The following ERBB4 variants were observed in gnomAD, a reference collection of about 807,000 sequenced individuals.
ERBB4 encodes erb-b2 receptor tyrosine kinase 4.
ERBB4 carries 42 observed loss-of-function variants against 158.0 expected under a neutral mutation model. The ratio of observed to expected loss-of-function variants is 0.27; its 90% CI spans 0.21 to 0.34. ERBB4 has a LOEUF of 0.34. ERBB4 is among the 10% of genes least tolerant of loss of function. ERBB4 has a pLI of 1.00. For missense variants in ERBB4, 1,333 were observed against 1,624.1 expected (o/e 0.82, Z 3.08); for synonymous variants, 583 against 558.7 (o/e 1.04, Z -0.61).
chr2:212,126,901 G>A (rs778175229), intron 1 of ERBB4, among the ~76,000 whole-genome samples: 21 of 152,044 alleles, frequency 1.4e-4, no homozygotes, highest in Admixed American at 8.5e-4. Context: ...TGAACACATC[G>A]AAAATAACAA....
intron 20 of ERBB4, among the ~76,000 whole-genome samples, chr2:211,481,764 A>T (rs1027813258): frequency 2.0e-5 from 3 of 152,110 alleles, no homozygotes; most frequent in African/African-American, 7.2e-5. Flanking sequence ...TTTGTCCTGG[A>T]AAATTGAAAC....
chr2:211,934,171 C>T (rs1048490492), intron 3 of ERBB4, among the ~76,000 whole-genome samples: 8 of 151,830 alleles, frequency 5.3e-5, no homozygotes, highest in African/African-American at 1.9e-4. Context: ...TTTTATAAAA[C>T]TCTGCTGTAA....
intron 1 of ERBB4, among the ~76,000 whole-genome samples, chr2:212,320,227 C>CTT (rs35543088): frequency 0.01 from 1,255 of 124,048 alleles, 68 homozygotes; most frequent in Non-Finnish European, 0.017. Context: ...CGCAGTCATA[C>CTT]TTTTATTTTT....
At chr2:212,396,352 A>G (rs953265284) in intron 1 of ERBB4, among the ~76,000 whole-genome samples, 1 of 152,270 alleles carries the variant, frequency 6.6e-6, no homozygotes, top group East Asian at 1.9e-4. Flanking sequence ...TTAAGAAGCC[A>G]TATAGTTCAG....
chr2:212,275,353 C>T (rs578197547), intron 1 of ERBB4, among the ~76,000 whole-genome samples: 3 of 151,928 alleles, frequency 2.0e-5, no homozygotes, highest in Non-Finnish European at 4.4e-5. Context: ...GCCACACTGT[C>T]TCCCACAATG....
chr2:212,159,065 G>T (rs560068491), intron 1 of ERBB4, among the ~76,000 whole-genome samples: 4 of 151,912 alleles, frequency 2.6e-5, no homozygotes, highest in Non-Finnish European at 5.9e-5. Flanking sequence ...CAGGTAAGAA[G>T]AATGCACCTT....
In ERBB4 at chr2:212,280,265, A is replaced by T. The variant is rs1212191275; in HGVS notation, c.83-155362T>A. On this transcript the variant is annotated intron_variant, in intron 1 of 27. Transcript: ENST00000342788. ...TTTTGCTAGTAGAACATATTCATTA[A>T]TTTTTTCCTGTAGCAACCAACATAT... Among the ~76,000 whole-genome samples the T allele has an allele frequency of 2.0e-5, 3 of 151,504 alleles. No individual in the cohort carries two copies. The Admixed American group carries it at 2.0e-4, about 10-fold the overall frequency.
At chr2:211,832,428 C>G (rs1248865687) in intron 3 of ERBB4, among the ~76,000 whole-genome samples, 1 of 151,944 alleles carries the variant, frequency 6.6e-6, no homozygotes, top group Non-Finnish European at 1.5e-5. Flanking sequence ...TAAAATGATT[C>G]TATTTATGTA....
At chr2:212,094,075 G>A (rs960183486) in intron 2 of ERBB4, among the ~76,000 whole-genome samples, 1 of 151,832 alleles carries the variant, frequency 6.6e-6, no homozygotes, top group African/African-American at 2.4e-5. Context: ...AATATGGTTT[G>A]GATGTTCTAT....
At chr2:211,425,135 A>T (rs2063598985) in intron 22 of ERBB4, among the ~76,000 whole-genome samples, 1 of 152,070 alleles carries the variant, frequency 6.6e-6, no homozygotes, top group Admixed American at 6.6e-5. Context: ...TTTCTTAGGG[A>T]TAAAGATTTT....
At chr2:211,928,390 G>A (rs1016510329) in intron 3 of ERBB4, among the ~76,000 whole-genome samples, 1 of 152,054 alleles carries the variant, frequency 6.6e-6, no homozygotes, top group Non-Finnish European at 1.5e-5. Flanking sequence ...TGGAGAAGCC[G>A]GCAACGTGAA....
chr2:211,809,064 C>A (rs1004527384), intron 3 of ERBB4, among the ~76,000 whole-genome samples: 26 of 152,170 alleles, frequency 1.7e-4, no homozygotes, highest in African/African-American at 6.3e-4. Flanking sequence ...ACAGTCATGT[C>A]ATCTGCAAAC....
At position 211,992,566 on chromosome 2, in the gene ERBB4, A is replaced by G. The variant is rs756925840; in HGVS notation, c.235-44950T>C. Among the ~76,000 whole-genome samples the G allele has an allele frequency of 6.4e-3, 389 of 61,206 alleles. 14 individuals carry two copies. The highest frequency in any genetic ancestry group is 0.019 in the Middle Eastern group (2 of 104). 40.2% of individuals were successfully genotyped at this position (61,206 alleles called of 152,430 possible). ...CAGTGAGAGAGAGAGAGAGAGAGAGAGAAAAAAAAAAAAAACATGAGTTTG... is the reference window on the plus strand; with the variant it reads ...CAGTGAGAGAGAGAGAGAGAGAGAGGGAAAAAAAAAAAAAACATGAGTTTG... On this transcript the variant is annotated intron_variant, in intron 2 of 27. Coordinates refer to ENST00000342788, the MANE Select transcript of ERBB4 (RefSeq NM_005235.3).
At chr2:211,919,657 T>G (rs189572615) in intron 3 of ERBB4, among the ~76,000 whole-genome samples, 1 of 152,110 alleles carries the variant, frequency 6.6e-6, no homozygotes, top group East Asian at 1.9e-4. Context: ...ATTTTTATAT[T>G]TGTAACCCAA....
intron 25 of ERBB4, among the ~76,000 whole-genome samples, chr2:211,402,579 T>C (rs1347177751): frequency 6.6e-6 from 1 of 151,932 alleles, no homozygotes; most frequent in Non-Finnish European, 1.5e-5. Flanking sequence ...TGACACAAGC[T>C]CAGCCTGTGA....
chr2:212,036,524 G>A (rs182041883), intron 2 of ERBB4, among the ~76,000 whole-genome samples: 1 of 151,592 alleles, frequency 6.6e-6, no homozygotes, highest in East Asian at 1.9e-4. Flanking sequence ...GAGTGCAGTG[G>A]AGTGATCTGG....
intron 2 of ERBB4, among the ~76,000 whole-genome samples, chr2:212,038,493 GC>G (rs1289154941): frequency 1.3e-5 from 2 of 152,098 alleles, no homozygotes; most frequent in African/African-American, 4.8e-5. Context: ...AAAGAGGACG[GC>G]TGTTCAAAAA....
chr2:211,965,178 T>C (rs796505506), intron 2 of ERBB4, among the ~76,000 whole-genome samples: 18 of 152,294 alleles, frequency 1.2e-4, no homozygotes, highest in African/African-American at 4.1e-4. Flanking sequence ...GGACAGCATG[T>C]GAAAGAGCTT....
chr2:211,694,306 G>A (rs560318509), intron 12 of ERBB4, among the ~76,000 whole-genome samples: 2 of 152,174 alleles, frequency 1.3e-5, no homozygotes, highest in South Asian at 4.2e-4. Flanking sequence ...CTGATGTAGA[G>A]GCAAGTCAGG....
Sources: gnomAD v4.1 joint callset for allele counts (sites outside exome capture counted in the v4.1 genomes callset) on GRCh38, gnomAD v4.1.1 for gene constraint, MANE v1.5 for transcripts, NCBI Gene and HGNC (gene_info 2026-07-23, HGNC 2026-07-21) for gene names.